Variants in MAOA observed in about 807,000 individuals in gnomAD.
The protein encoded by MAOA is amine oxidase [flavin-containing] A.
Under a neutral mutation model 42.0 loss-of-function variants are expected in MAOA, and 6 were observed. The ratio of observed to expected loss-of-function variants is 0.14; its 90% CI spans 0.08 to 0.28. The LOEUF is 0.28. Among genes scored for constraint, MAOA ranks in the 10% least tolerant of loss-of-function variants. The probability of loss-of-function intolerance (pLI) is 1.00; values close to 1 mark genes in which losing one functional copy is unlikely to be tolerated. For missense variants in MAOA, 262 were observed against 422.3 expected, an observed-to-expected ratio of 0.62 and a Z score of 3.33; for synonymous variants, 140 against 154.0, an observed-to-expected ratio of 0.91 and a Z score of 0.67.
intron 3 of MAOA, among the ~76,000 whole-genome samples, chrX:43,696,881 C>T (rs753249935): frequency 1.8e-5 from 2 of 112,875 alleles, no homozygotes; most frequent in Non-Finnish European, 1.9e-5. Context: ...ATATGCAGCA[C>T]GTGGCAGGTG....
chrX:43,723,188 A>G (rs1179342823), intron 5 of MAOA, among the ~76,000 whole-genome samples: 3 of 111,489 alleles, frequency 2.7e-5, no homozygotes, highest in Non-Finnish European at 1.9e-5. Flanking sequence ...TTTTGGTTCC[A>G]TATGAAGTTT....
At chrX:43,698,879 C>T (rs1200774048) in intron 3 of MAOA, among the ~76,000 whole-genome samples, 2 of 111,922 alleles carry the variant, frequency 1.8e-5, no homozygotes, top group Non-Finnish European at 3.8e-5. Context: ...TTAATCATAT[C>T]ATTGTGAACC....
chrX:43,732,347 C>T (rs762647870), intron 8 of MAOA, among the ~76,000 whole-genome samples: 82 of 111,584 alleles, frequency 7.3e-4, no homozygotes, highest in Non-Finnish European at 1.4e-3. Context: ...TTATACTCAT[C>T]GGATTCCCTC....
chrX:43,712,726 G>C lies in MAOA; in HGVS notation c.433G>C (p.Glu145Gln), dbSNP rs1480339254. ...GKEIPTDAPW[E>Q]AQHADKWDKM... ...ACAGATTCCAACTGATGCACCCTGG[G>C]AGGCTCAACATGCTGACAAATGGGA... is the stretch of plus-strand genomic sequence containing the variant. The change falls in exon 5 of 15, where the codon GAG becomes CAG. Residue 145 changes from glutamate to glutamine, a missense_variant. Transcript: ENST00000338702. The C allele has an allele frequency of 6.6e-6, 8 of 1,205,970 alleles. No individual in the cohort carries two copies. The highest frequency in any genetic ancestry group is 9.0e-6 in the Non-Finnish European group (8 of 892,066).
chrX:43,720,688 C>T (rs1034596752), intron 5 of MAOA, among the ~76,000 whole-genome samples: 8 of 96,984 alleles, frequency 8.2e-5, no homozygotes, highest in Middle Eastern at 7.3e-3. Flanking sequence ...CACAGGTGCA[C>T]GGGGGAGATA....
chrX:43,741,924 G>GTAT, intron 11 of MAOA, 26 bp from the exon 12 acceptor site: 1 of 1,210,515 alleles, frequency 8.3e-7, no homozygotes, highest in Non-Finnish European at 1.1e-6. Flanking sequence ...TTTCTCTTTT[G>GTAT]TATTTTCTTC....
intron 1 of MAOA, among the ~76,000 whole-genome samples, chrX:43,677,556 G>A (rs2033408729): frequency 9.1e-6 from 1 of 109,799 alleles, no homozygotes; most frequent in South Asian, 3.9e-4. Context: ...TTTGGTTTCT[G>A]TAAATTGCAA....
intron 1 of MAOA, among the ~76,000 whole-genome samples, chrX:43,665,983 T>C (rs2033274186): frequency 8.9e-6 from 1 of 112,409 alleles, no homozygotes; most frequent in South Asian, 3.7e-4. Flanking sequence ...ATCTGCTGAC[T>C]TACTTAGGCG....
intron 2 of MAOA, 59 bp from the exon 3 acceptor site, chrX:43,693,232 A>G (rs2033550409): frequency 9.0e-7 from 1 of 1,117,174 alleles, no homozygotes; most frequent in African/African-American, 1.8e-5. Flanking sequence ...TTTTTTTACA[A>G]GACACCTTTT....
At chrX:43,703,091 G>T in intron 3 of MAOA, among the ~76,000 whole-genome samples, 1 of 111,640 alleles carries the variant, frequency 9.0e-6, no homozygotes, top group East Asian at 2.8e-4. Flanking sequence ...ATGTTTAAAT[G>T]CTGGGAAGAT....
At chrX:43,686,826 A>G (rs2033491966) in intron 2 of MAOA, among the ~76,000 whole-genome samples, 1 of 111,726 alleles carries the variant, frequency 9.0e-6, no homozygotes, top group African/African-American at 3.3e-5. Flanking sequence ...TAAAAAAGGA[A>G]ACAGGCATGA....
At chrX:43,656,712 G>A (rs1469114970) in intron 1 of MAOA, among the ~76,000 whole-genome samples, 1 of 111,292 alleles carries the variant, frequency 9.0e-6, no homozygotes, top group African/African-American at 3.3e-5. Context: ...GTCCTCAACA[G>A]TCCTGTGAGG....
chrX:43,724,805 G>C, intron 5 of MAOA, among the ~76,000 whole-genome samples: 1 of 111,746 alleles, frequency 8.9e-6, no homozygotes, highest in East Asian at 2.8e-4. Context: ...TCTCTTTTGG[G>C]CATTTAGTGC....
chrX:43,704,362 A>G (rs763648131), intron 3 of MAOA, among the ~76,000 whole-genome samples: 25 of 111,984 alleles, frequency 2.2e-4, no homozygotes, highest in Non-Finnish European at 7.5e-5. Flanking sequence ...ATGCACCACC[A>G]TATTAATAGG....
chrX:43,673,068 C>T (rs2033352806), intron 1 of MAOA, among the ~76,000 whole-genome samples: 1 of 110,112 alleles, frequency 9.1e-6, no homozygotes, highest in African/African-American at 3.3e-5. Context: ...CCATCTGGTC[C>T]TGGACTCTTT....
intron 3 of MAOA, among the ~76,000 whole-genome samples, chrX:43,697,365 C>A (rs1423928198): frequency 9.0e-6 from 1 of 111,541 alleles, no homozygotes; most frequent in East Asian, 2.8e-4. Context: ...TTTGCTCAAT[C>A]TTTTGACCCG....
At chrX:43,716,525 G>T (rs1461009408) in intron 5 of MAOA, among the ~76,000 whole-genome samples, 1 of 110,899 alleles carries the variant, frequency 9.0e-6, no homozygotes, top group Non-Finnish European at 1.9e-5. Context: ...AGATGTTTTG[G>T]TGAGGGAGTG....
chrX:43,717,574 A>T (rs1282722950), intron 5 of MAOA, among the ~76,000 whole-genome samples: 1 of 109,480 alleles, frequency 9.1e-6, no homozygotes, highest in Non-Finnish European at 1.9e-5. Context: ...GTGGATGGAG[A>T]TATCTTCCAG....
intron 3 of MAOA, among the ~76,000 whole-genome samples, chrX:43,706,590 G>T (rs183384456): frequency 9.1e-6 from 1 of 109,507 alleles, no homozygotes; most frequent in East Asian, 2.8e-4. Flanking sequence ...TTCAAGACCA[G>T]CCTGAGCAAT....
Sources: gnomAD v4.1 joint callset for allele counts (sites outside exome capture counted in the v4.1 genomes callset) on GRCh38, gnomAD v4.1.1 for gene constraint, MANE v1.5 for transcripts, NCBI Gene and HGNC (gene_info 2026-07-23, HGNC 2026-07-21) for gene names.